The following GOLM1 variants were observed in gnomAD, a reference collection of about 807,000 sequenced individuals.
GOLM1 encodes the protein golgi membrane protein 1.
A neutral mutation model predicts 50.5 loss-of-function variants in GOLM1; 31 were observed. The ratio of observed to expected loss-of-function variants is 0.61; its 90% CI spans 0.46 to 0.83. The LOEUF is 0.83. Ranked by LOEUF, GOLM1 falls within the 40% of genes least tolerant of loss-of-function variation. The pLI is 0.00. For synonymous variants in GOLM1, 178 were observed against 192.8 expected, an observed-to-expected ratio of 0.92 and a Z score of 0.64; for missense variants, 491 against 501.3, an observed-to-expected ratio of 0.98 and a Z score of 0.20.
chr9:86,028,315 A>G (rs1832850305), intron 9 of GOLM1, among the ~76,000 whole-genome samples: 1 of 152,198 alleles, frequency 6.6e-6, no homozygotes, highest in Non-Finnish European at 1.5e-5. Context: ...AGAAGAACAC[A>G]TCGAAAGACG....
chr9:86,033,536 C>T, intron 8 of GOLM1, 141 bp from the exon 9 acceptor site: 1 of 624,696 alleles, frequency 1.6e-6, no homozygotes, highest in East Asian at 2.7e-5. Flanking sequence ...GGTAGGGACG[C>T]AAGGGCTGGC....
chr9:86,031,925 CAAAAAAA>C (rs1043805404), intron 9 of GOLM1, among the ~76,000 whole-genome samples: 293 of 36,062 alleles, frequency 8.1e-3, no homozygotes, highest in African/African-American at 0.028. Flanking sequence ...GACTCCATCT[CAAAAAAA>C]AAAAAAAAAA....
At chr9:86,098,265 T>C (rs192473807) in intron 1 of GOLM1, among the ~76,000 whole-genome samples, 1 of 132,300 alleles carries the variant, frequency 7.6e-6, no homozygotes, top group East Asian at 1.9e-4. Flanking sequence ...GTAATGAGCT[T>C]AGCTTCATCT....
chr9:86,061,544 G>A (rs542745549), intron 3 of GOLM1, among the ~76,000 whole-genome samples: 64 of 152,330 alleles, frequency 4.2e-4, no homozygotes, highest in African/African-American at 1.3e-3. Context: ...AGGGAAGACC[G>A]GGATGGGAGA....
intron 3 of GOLM1, among the ~76,000 whole-genome samples, chr9:86,056,786 G>A (rs1375499470): frequency 2.6e-5 from 4 of 151,936 alleles, no homozygotes; most frequent in South Asian, 2.1e-4. Flanking sequence ...TTACAGGCAT[G>A]AGGCACTGCA....
chr9:86,087,431 T>C (rs1471830659), intron 1 of GOLM1, among the ~76,000 whole-genome samples: 1 of 152,110 alleles, frequency 6.6e-6, no homozygotes, highest in Non-Finnish European at 1.5e-5. Context: ...TTTGAATACA[T>C]TTCTTTCTCT....
At chr9:86,051,370 T>A (rs1587709587) in intron 4 of GOLM1, among the ~76,000 whole-genome samples, 1 of 152,180 alleles carries the variant, frequency 6.6e-6, no homozygotes, top group East Asian at 1.9e-4. Flanking sequence ...TCTATAGATG[T>A]CTATTAGGTC....
At chr9:86,043,119 T>G (rs1833412951) in intron 5 of GOLM1, among the ~76,000 whole-genome samples, 1 of 152,198 alleles carries the variant, frequency 6.6e-6, no homozygotes, top group African/African-American at 2.4e-5. Context: ...ATCACTGTAT[T>G]ACTTTATATG....
intron 3 of GOLM1, among the ~76,000 whole-genome samples, chr9:86,053,345 CAACTCCACACCACGT>C (rs1833839457): frequency 7.2e-6 from 1 of 138,656 alleles, no homozygotes; most frequent in Non-Finnish European, 1.5e-5. Context: ...CACCACGCCA[CAACTCCACACCACGT>C]ACCACTCCAC....
chr9:86,085,453 GTTTTTTT>G (rs11397922), intron 1 of GOLM1, among the ~76,000 whole-genome samples: 1 of 93,182 alleles, frequency 1.1e-5, no homozygotes, highest in African/African-American at 4.8e-5. Context: ...CAAAGTTTTT[GTTTTTTT>G]TTTTTTTTTT....
At chr9:86,052,281 CTT>C (rs1833778749) in intron 4 of GOLM1, among the ~76,000 whole-genome samples, 2 of 152,200 alleles carry the variant, frequency 1.3e-5, no homozygotes, top group Non-Finnish European at 2.9e-5. Context: ...AATACTATCT[CTT>C]AACACATTCA....
chr9:86,030,397 C>T (rs1217544105), intron 9 of GOLM1, among the ~76,000 whole-genome samples: 1 of 152,080 alleles, frequency 6.6e-6, no homozygotes, highest in Non-Finnish European at 1.5e-5. Flanking sequence ...ATGAAGACAG[C>T]TGAAAATTCA....
intron 9 of GOLM1, among the ~76,000 whole-genome samples, chr9:86,031,788 A>G (rs4877959): frequency 0.16 from 23,633 of 151,722 alleles, 1,888 homozygotes; most frequent in Middle Eastern, 0.17. Context: ...GAACATTCCA[A>G]TTAACAAATA....
chr9:86,071,068 T>C (rs1483957206), intron 3 of GOLM1, among the ~76,000 whole-genome samples: 3 of 110,004 alleles, frequency 2.7e-5, no homozygotes, highest in African/African-American at 8.0e-5. Context: ...TTTACACACA[T>C]ATATACATGT....
Position 86,027,697 on chromosome 9 carries a change from A to G in GOLM1, c.*120T>C, listed in dbSNP as rs765507118. On this transcript the variant is annotated 3_prime_UTR_variant, in exon 10 of 10. Transcript: ENST00000388712. ...AAAGTGCATACTAAAATTTCACAAT[A>G]ATCATCTTCAGATGTACATTTTATT... 36 of 1,432,538 alleles carry G rather than the reference A, an allele frequency of 2.5e-5. No individual in the cohort carries two copies. Among genetic ancestry groups the G allele is most frequent in the Non-Finnish European group, 3.3e-5 (36 of 1,092,684 alleles). 88.7% of individuals were successfully genotyped at this position (1,432,538 alleles called of 1,614,324 possible).
intron 4 of GOLM1, among the ~76,000 whole-genome samples, chr9:86,049,251 C>T (rs1037461639): frequency 6.6e-6 from 1 of 152,168 alleles, no homozygotes; most frequent in Admixed American, 6.5e-5. Context: ...GGTACCAGTA[C>T]CATGCTGCTT....
intron 3 of GOLM1, among the ~76,000 whole-genome samples, chr9:86,053,595 T>A (rs1587712380): frequency 4.9e-3 from 10 of 2,026 alleles, no homozygotes; most frequent in African/African-American, 8.3e-3. Context: ...ACCACACCAC[T>A]CCACACACAC....
chr9:86,028,525 G>C (rs1031226760), intron 9 of GOLM1, among the ~76,000 whole-genome samples: 12 of 152,182 alleles, frequency 7.9e-5, no homozygotes, highest in Admixed American at 5.9e-4. Flanking sequence ...AAGCCCACAT[G>C]ATCTGATTTT....
At chr9:86,082,025 C>CTTTT (rs35208119) in intron 1 of GOLM1, among the ~76,000 whole-genome samples, 1,652 of 84,490 alleles carry the variant, frequency 0.02, 160 homozygotes, top group Non-Finnish European at 0.029. Flanking sequence ...ACCTGGGACA[C>CTTTT]TTTTTTTTTT....
Sources: gnomAD v4.1 joint callset for allele counts (sites outside exome capture counted in the v4.1 genomes callset) on GRCh38, gnomAD v4.1.1 for gene constraint, MANE v1.5 for transcripts, NCBI Gene and HGNC (gene_info 2026-07-23, HGNC 2026-07-21) for gene names.